EPHA10: variants seen among roughly 807,000 people sequenced by gnomAD.
EPHA10 encodes the protein ephrin type-A receptor 10.
In EPHA10, 120 loss-of-function variants were observed where a neutral mutation model predicts 109.7. The ratio of observed to expected loss-of-function variants is 1.09; its 90% confidence interval spans 0.94 to 1.27. EPHA10 has a LOEUF of 1.27. EPHA10 is among the 50% of genes most tolerant of loss of function. The probability of loss-of-function intolerance (pLI) is 0.00; values close to 1 mark genes in which losing one functional copy is unlikely to be tolerated. For synonymous variants in EPHA10, 640 were observed against 618.9 expected (o/e 1.03, Z -0.51); for missense variants, 1,396 against 1,411.1 (o/e 0.99, Z 0.17).
intron 3 of EPHA10, among the ~76,000 whole-genome samples, chr1:37,758,862 A>C (rs532637860): frequency 6.6e-6 from 1 of 152,296 alleles, no homozygotes; most frequent in South Asian, 2.1e-4. Flanking sequence ...GTGTCTATCC[A>C]GGTCCTGTGT....
downstream of EPHA10, chr1:37,715,881 G>A (rs1394519734): frequency 5.4e-6 from 3 of 556,946 alleles, no homozygotes; most frequent in Non-Finnish European, 1.1e-5. Context: ...CTCAGACGCA[G>A]ATTCTGGACA....
intron 15 of EPHA10, chr1:37,719,170 T>C (rs1386142002): frequency 3.3e-6 from 2 of 598,322 alleles, no homozygotes; most frequent in Non-Finnish European, 5.9e-6. Context: ...CCACATCTAT[T>C]TCTCCAGTCA....
chr1:37,754,830 T>C lies in EPHA10; in HGVS notation c.851-460A>G, dbSNP rs1262015555. On this transcript the variant is annotated intron_variant, in intron 3 of 16. Transcript: ENST00000373048. This position sits in a 1 kb window ranked among gnomAD's most constrained non-coding sequence, Gnocchi z 4.5. Reference sequence around the variant, plus strand: ...TTTTCTTTTTTCTTTTCGAGTCTCCTTCTATCACCCAGGCTGGAGTGCAGT... The same window carrying C: ...TTTTCTTTTTTCTTTTCGAGTCTCCCTCTATCACCCAGGCTGGAGTGCAGT... Among the ~76,000 whole-genome samples, 1 of 152,180 alleles carries C rather than the reference T, an allele frequency of 6.6e-6. No individual in the cohort carries two copies. The highest frequency in any genetic ancestry group is 1.5e-5 in the Non-Finnish European group (1 of 68,036).
intron 5 of EPHA10, among the ~76,000 whole-genome samples, chr1:37,749,016 G>C (rs1385303888): frequency 6.9e-6 from 1 of 144,146 alleles, no homozygotes; most frequent in African/African-American, 2.6e-5. Flanking sequence ...TCCACCTCCA[G>C]GGTTCAAGAG....
chr1:37,733,223 T>C (rs957795978), intron 6 of EPHA10, among the ~76,000 whole-genome samples: 3 of 150,802 alleles, frequency 2.0e-5, no homozygotes, highest in African/African-American at 7.3e-5. Context: ...TTTTTGGGGG[T>C]TTTGGTGGGT....
downstream of EPHA10, chr1:37,714,612 C>T (rs1159667053): frequency 6.6e-6 from 1 of 152,190 alleles, no homozygotes; most frequent in Admixed American, 6.5e-5. Context: ...AGAAGGTGAC[C>T]ATACTTGGAG....
rs1646355987 is a variant in EPHA10 at position 37,753,137 on chromosome 1, C to T, written c.1096G>A (p.Gly366Arg). The T allele has an allele frequency of 5.0e-6, 7 of 1,407,428 alleles. No homozygotes were observed. The highest frequency in any genetic ancestry group is 2.7e-5 in the Admixed American group (1 of 36,734). 87.2% of individuals were successfully genotyped at this position (1,407,428 alleles called of 1,614,324 possible). A position where few individuals can be genotyped will look rare whatever the true frequency, so the allele number is the denominator to read the frequency against. Residue 366 changes from glycine to arginine, a missense_variant, in exon 5 of 17, where the codon GGA becomes AGA. Physicochemically the swap from Gly to Arg is moderately radical, Grantham distance 125. Coordinates refer to ENST00000373048, the MANE Select transcript of EPHA10 (RefSeq NM_001099439.2). ...GAGTAGGTGACGTCCGAGCGGCCTC[C>T]CGAGTCGGCCGGCGGCAGCCAGCGC... Reference protein sequence around the residue: ...RLRWLPPADSGGRSDVTYSLL... With the variant: ...RLRWLPPADSRGRSDVTYSLL...
At chr1:37,747,648 A>C (rs1400333014) in intron 5 of EPHA10, among the ~76,000 whole-genome samples, 1 of 152,004 alleles carries the variant, frequency 6.6e-6, no homozygotes, top group African/African-American at 2.4e-5. Context: ...TGCACCTGTA[A>C]TCACAGCTAC....
Position 37,717,633 on chromosome 1 carries a change from C to G in EPHA10, c.*739G>C, listed in dbSNP as rs192576030. ...ACTAAGTTCATAAAAGGAATGCACA[C>G]GAGGGCCTCATGGGGCCCCAGGGAG... is the stretch of plus-strand genomic sequence containing the variant. On this transcript the variant is annotated 3_prime_UTR_variant, in exon 17 of 17. Transcript: ENST00000373048. The G allele has an allele frequency of 4.3e-6, 1 of 231,416 alleles. No individual in the cohort carries two copies. The allele number at this position is 231,416 out of a possible 1,614,324, so 14.3% of individuals were successfully genotyped here.
Position 37,764,951 on chromosome 1 carries a change from G to C in EPHA10, c.106+10C>G, listed in dbSNP as rs768487199. ...GCCACGCTCCGAGCAGAGCTCACCA[G>C]TCTTCTCACCTTCCTCGGCGGTCCC... On this transcript the variant is annotated intron_variant, in intron 1 of 16. Coordinates refer to ENST00000373048, the MANE Select transcript of EPHA10 (RefSeq NM_001099439.2). The surrounding 1 kb of genome is among the most constrained non-coding windows in gnomAD (Gnocchi z 5.8). The C allele has an allele frequency of 6.3e-7, 1 of 1,599,660 alleles. No individual in the cohort carries two copies. The highest frequency in any genetic ancestry group is 8.5e-7 in the Non-Finnish European group (1 of 1,174,266).
chr1:37,740,711 A>T (rs1344154993), intron 5 of EPHA10, among the ~76,000 whole-genome samples: 1 of 152,138 alleles, frequency 6.6e-6, no homozygotes, highest in Non-Finnish European at 1.5e-5. Flanking sequence ...ACACATACAC[A>T]CATATACGGG....
At chr1:37,715,411 T>C (rs1414110325), downstream of EPHA10, among the ~76,000 whole-genome samples, 2 of 152,080 alleles carry the variant, frequency 1.3e-5, no homozygotes, top group Non-Finnish European at 2.9e-5. Flanking sequence ...CTGCTCCCCT[T>C]CATCCAGGTG....
chr1:37,761,089 TA>T (rs74980924), intron 3 of EPHA10: 9,868 of 907,194 alleles, frequency 0.011, no homozygotes, highest in Middle Eastern at 0.029. Context: ...CTCCTTATTT[TA>T]AAAAAAAAAA....
intron 10 of EPHA10, chr1:37,722,171 T>C: frequency 4.1e-6 from 1 of 246,900 alleles, no homozygotes. Flanking sequence ...GTTTCCAGCT[T>C]AAATCCTGGT....
intron 10 of EPHA10, 27 bp from the exon 11 acceptor site, chr1:37,721,872 CGCCAGAGGCCACTGCCCTGGCTGAGCTGG>C: frequency 6.6e-7 from 1 of 1,514,282 alleles, no homozygotes; most frequent in Non-Finnish European, 8.9e-7. Flanking sequence ...CCTCAGATAC[CGCCAGAGGCCACTGCCCTGGCTGAGCTGG>C]GCAGGCTGAG....
chr1:37,756,556 A>C (rs1646393794), intron 3 of EPHA10: 1 of 152,336 alleles, frequency 6.6e-6, no homozygotes, highest in South Asian at 2.1e-4. Flanking sequence ...AATCTAGCTC[A>C]GCTCCCACTG....
At chr1:37,759,853 G>T (rs1269592625) in intron 3 of EPHA10, among the ~76,000 whole-genome samples, 1 of 152,084 alleles carries the variant, frequency 6.6e-6, no homozygotes, top group Non-Finnish European at 1.5e-5. Context: ...GTAGATCAGT[G>T]CATACCATGG....
At chr1:37,749,347 T>C (rs1010094762) in intron 5 of EPHA10, among the ~76,000 whole-genome samples, 1 of 152,128 alleles carries the variant, frequency 6.6e-6, no homozygotes, top group Non-Finnish European at 1.5e-5. Context: ...TTAACATGGC[T>C]TCTAAATCTA....
chr1:37,755,583 A>G (rs1395401722), intron 3 of EPHA10, among the ~76,000 whole-genome samples: 1 of 152,026 alleles, frequency 6.6e-6, no homozygotes, highest in African/African-American at 2.4e-5. Flanking sequence ...TAGCTGAGTC[A>G]CCCCACTTAT....
Sources: gnomAD v4.1 joint callset for allele counts (sites outside exome capture counted in the v4.1 genomes callset) on GRCh38, gnomAD v4.1.1 for gene constraint, Gnocchi (gnomAD v3.1) non-coding constraint, MANE v1.5 for transcripts, NCBI Gene and HGNC (gene_info 2026-07-23, HGNC 2026-07-21) for gene names.